MRAP2: variants seen among roughly 807,000 people sequenced by gnomAD.
The protein encoded by MRAP2 is melanocortin-2 receptor accessory protein 2.
In MRAP2, 20 loss-of-function variants were observed where a neutral mutation model predicts 17.4. That is an observed-to-expected ratio of 1.15 (90% CI 0.81 to 1.67). The LOEUF is 1.67. MRAP2 is among the 40% of genes most tolerant of loss of function. MRAP2 has a pLI of 0.00. For missense variants in MRAP2, 238 were observed against 240.0 expected (o/e 0.99, Z 0.05); for synonymous variants, 96 against 88.4 (o/e 1.09, Z -0.48).
chr6:84,082,483 CCAGT>C (rs535481027), intron 3 of MRAP2, among the ~76,000 whole-genome samples: 197 of 152,298 alleles, frequency 1.3e-3, no homozygotes, highest in Middle Eastern at 0.01. Context: ...TCTTAAATGA[CCAGT>C]CATTTTACTT....
chr6:84,113,912 G>T, the MRAP2 span, among the ~76,000 whole-genome samples: 1 of 152,172 alleles, frequency 6.6e-6, no homozygotes, highest in African/African-American at 2.4e-5. Flanking sequence ...TTGGCCCCCA[G>T]CCTCTTCTGG....
chr6:84,082,287 G>A (rs2099499191), intron 3 of MRAP2, among the ~76,000 whole-genome samples: 1 of 152,170 alleles, frequency 6.6e-6, no homozygotes, highest in Non-Finnish European at 1.5e-5. Flanking sequence ...CAAGAGTGTT[G>A]TAGTTTTTCT....
At chr6:84,144,460 G>A in the MRAP2 span, among the ~76,000 whole-genome samples, 1 of 151,926 alleles carries the variant, frequency 6.6e-6, no homozygotes, top group Non-Finnish European at 1.5e-5. Flanking sequence ...GTTTAACTAT[G>A]GCTAGTTTAA....
chr6:84,123,679 CAATG>C, the MRAP2 span, among the ~76,000 whole-genome samples: 1 of 151,830 alleles, frequency 6.6e-6, no homozygotes, highest in South Asian at 2.1e-4. Flanking sequence ...AAAAAATTCA[CAATG>C]AAGACCCTAA....
chr6:84,122,352 C>CAAAAAAAA, the MRAP2 span, among the ~76,000 whole-genome samples: 10 of 36,150 alleles, frequency 2.8e-4, no homozygotes, highest in African/African-American at 4.6e-4. Flanking sequence ...ACAGCACATC[C>CAAAAAAAA]AAAAAAAAAA....
the MRAP2 span, among the ~76,000 whole-genome samples, chr6:84,130,573 C>T: frequency 3.9e-5 from 6 of 152,048 alleles, no homozygotes; most frequent in Admixed American, 6.6e-5. Flanking sequence ...ACTTCTTCCT[C>T]GTTTAGACTT....
chr6:84,122,374 A>AAAAAAC, the MRAP2 span, among the ~76,000 whole-genome samples: 1 of 149,494 alleles, frequency 6.7e-6, no homozygotes, highest in Admixed American at 6.6e-5. Flanking sequence ...AAAAAAAAAA[A>AAAAAAC]AAGCATCATG....
intron 3 of MRAP2, among the ~76,000 whole-genome samples, chr6:84,087,597 G>A (rs56338216): frequency 0.13 from 19,680 of 152,104 alleles, 1,290 homozygotes; most frequent in Middle Eastern, 0.23. Context: ...TGACAGTTGA[G>A]GGAAACTCAT....
the MRAP2 span, among the ~76,000 whole-genome samples, chr6:84,140,682 C>T: frequency 6.6e-6 from 1 of 151,964 alleles, no homozygotes; most frequent in African/African-American, 2.4e-5. Context: ...CATGTTACTG[C>T]ACAGGCTAAT....
intron 1 of MRAP2, among the ~76,000 whole-genome samples, chr6:84,045,893 A>C (rs2099488898): frequency 6.6e-6 from 1 of 152,262 alleles, no homozygotes; most frequent in South Asian, 2.1e-4. Context: ...ATACAAGTGA[A>C]AAGCAACTTG....
At chr6:84,070,059 T>C (rs183738357) in intron 3 of MRAP2, among the ~76,000 whole-genome samples, 1 of 152,278 alleles carries the variant, frequency 6.6e-6, no homozygotes, top group Admixed American at 6.5e-5. Flanking sequence ...GTTTCATTTA[T>C]CTTTTGTATT....
intron 3 of MRAP2, among the ~76,000 whole-genome samples, chr6:84,087,666 T>C (rs1043629182): frequency 2.6e-5 from 4 of 152,218 alleles, no homozygotes; most frequent in African/African-American, 7.2e-5. Flanking sequence ...CTTCAGTCTC[T>C]CTAAAATGAT....
intron 1 of MRAP2, chr6:84,035,547 AAAGAT>A: frequency 2.3e-6 from 1 of 425,666 alleles, no homozygotes; most frequent in Non-Finnish European, 3.1e-6. Context: ...CAAGAGAAAG[AAAGAT>A]AAGATATCAG....
the MRAP2 span, among the ~76,000 whole-genome samples, chr6:84,133,580 C>A: frequency 6.6e-6 from 1 of 152,204 alleles, no homozygotes; most frequent in Non-Finnish European, 1.5e-5. Context: ...GCCCCTCCCC[C>A]AGCCTTGCTG....
At chr6:84,145,570 T>TATC in the MRAP2 span, among the ~76,000 whole-genome samples, 1 of 152,094 alleles carries the variant, frequency 6.6e-6, no homozygotes, top group African/African-American at 2.4e-5. Context: ...CTTGTTTTTT[T>TATC]ATCTCTGGGG....
the MRAP2 span, among the ~76,000 whole-genome samples, chr6:84,107,882 A>T: frequency 6.6e-6 from 1 of 152,382 alleles, no homozygotes; most frequent in South Asian, 2.1e-4. Context: ...AATTAGAGTC[A>T]CTACTTGGTT....
chr6:84,086,054 T>A (rs2099500359), intron 3 of MRAP2, among the ~76,000 whole-genome samples: 1 of 152,218 alleles, frequency 6.6e-6, no homozygotes, highest in Admixed American at 6.5e-5. Context: ...GTGATCTTGC[T>A]TCAGGTTCCG....
the MRAP2 span, among the ~76,000 whole-genome samples, chr6:84,140,528 TTTTG>T: frequency 0.044 from 6,646 of 152,098 alleles, 466 homozygotes; most frequent in African/African-American, 0.15. Context: ...CTTCTTGGTT[TTTTG>T]TTTGTTTTTC....
At chr6:84,124,788 TTTTC>T in the MRAP2 span, 5 of 381,108 alleles carry the variant, frequency 1.3e-5, no homozygotes, top group East Asian at 6.1e-5. Context: ...TTCAATTTTC[TTTTC>T]TTTCTATTTC....
Sources: gnomAD v4.1 joint callset for allele counts (sites outside exome capture counted in the v4.1 genomes callset) on GRCh38, gnomAD v4.1.1 for gene constraint, MANE v1.5 for transcripts, NCBI Gene and HGNC (gene_info 2026-07-23, HGNC 2026-07-21) for gene names.